Variants in TMTC1 observed in about 807,000 individuals in gnomAD.
TMTC1 encodes transmembrane O-mannosyltransferase targeting cadherins 1.
A neutral mutation model predicts 104.8 loss-of-function variants in TMTC1; 73 were observed. The observed-to-expected ratio is 0.70, with a 90% CI of 0.58 to 0.85. The LOEUF is 0.85. Among genes scored for constraint, TMTC1 ranks in the 40% least tolerant of loss-of-function variants. TMTC1 has a pLI of 0.00. For missense variants in TMTC1, 1,035 were observed against 1,096.1 expected (o/e 0.94, Z 0.79); for synonymous variants, 434 against 428.7 (o/e 1.01, Z -0.15).
intron 8 of TMTC1, among the ~76,000 whole-genome samples, chr12:29,581,472 G>A (rs2136324438): frequency 6.6e-6 from 1 of 152,230 alleles, no homozygotes; most frequent in Non-Finnish European, 1.5e-5. Context: ...GAATGGTTGT[G>A]TTTTAGAAAT....
At chr12:29,563,530 A>G (rs1432214602) in intron 9 of TMTC1, among the ~76,000 whole-genome samples, 2 of 152,144 alleles carry the variant, frequency 1.3e-5, no homozygotes, top group Non-Finnish European at 2.9e-5. Flanking sequence ...GGAACTGGGT[A>G]TTACTCCTGA....
chr12:29,683,149 C>T (rs1168784577), intron 5 of TMTC1, among the ~76,000 whole-genome samples: 3 of 152,182 alleles, frequency 2.0e-5, no homozygotes, highest in Non-Finnish European at 4.4e-5. Flanking sequence ...GATATTAAAA[C>T]ATAGATTCAA....
At position 29,734,967 on chromosome 12, in the gene TMTC1, T is replaced by C. The variant is rs374810317; in HGVS notation, c.938+16699A>G. Among the ~76,000 whole-genome samples the C allele has an allele frequency of 7.9e-5, 12 of 152,330 alleles. No individual in the cohort carries two copies. The East Asian group carries it at 1.9e-3, about 24-fold the overall frequency. ...CTCTGCTTCTCACTAGTATCTGGCT[T>C]CTGTTACAAGCGTTAGCTTCTTCTA... On this transcript the variant is annotated intron_variant, in intron 5 of 17. Transcript: ENST00000539277.
Position 29,616,760 on chromosome 12 carries a change from C to T in TMTC1, c.1129-12461G>A, listed in dbSNP as rs112018282. Among the ~76,000 whole-genome samples, 152 of 151,116 alleles carry T rather than the reference C, an allele frequency of 1.0e-3. 2 individuals are homozygous for T. The highest frequency in any genetic ancestry group is 3.6e-3 in the African/African-American group (147 of 41,272). ...TGGCCATTTTCTACACTAAAAATCA[C>T]TATACATTTAGAGAACTTTGTTAAG... On this transcript the variant is annotated intron_variant, in intron 6 of 17. Transcript: ENST00000539277.
chr12:29,589,717 A>T (rs1382099287), intron 7 of TMTC1, among the ~76,000 whole-genome samples: 1 of 152,148 alleles, frequency 6.6e-6, no homozygotes, highest in Non-Finnish European at 1.5e-5. Context: ...AACAACACAA[A>T]CATTTAGCTG....
chr12:29,551,427 T>C lies in TMTC1; in HGVS notation c.1676+5430A>G, dbSNP rs1404116719. 2.0e-5 allele frequency among the ~76,000 whole-genome samples: 3 copies of C among 152,198 alleles called. No individual in the cohort carries two copies. In the East Asian group the frequency reaches 5.8e-4, roughly 29 times the overall value. On this transcript the variant is annotated intron_variant, in intron 10 of 17. Coordinates refer to ENST00000539277, the MANE Select transcript of TMTC1 (RefSeq NM_001193451.2). ...TTCTAAAGGATCAGACTAAAGTAAA[T>C]CAAATATATCCTGTTATCAAATTCA...
At chr12:29,638,971 T>C (rs140714099) in intron 5 of TMTC1, among the ~76,000 whole-genome samples, 80 of 152,340 alleles carry the variant, frequency 5.3e-4, no homozygotes, top group African/African-American at 1.9e-3. Flanking sequence ...TACCTGGTAA[T>C]TACTGTCTTT....
chr12:29,653,380 G>T (rs907214195), intron 5 of TMTC1, among the ~76,000 whole-genome samples: 9 of 152,084 alleles, frequency 5.9e-5, no homozygotes, highest in African/African-American at 1.9e-4. Flanking sequence ...GTCACAGCAC[G>T]AGGGGACTAC....
Position 29,501,939 on chromosome 12 carries a change from C to G in TMTC1, c.*4907G>C, listed in dbSNP as rs142472873. 2.0e-5 allele frequency: 3 copies of G among 152,212 alleles called. No individual in the cohort carries two copies. In the East Asian group the frequency reaches 5.8e-4, roughly 29 times the overall value. The allele number at this position is 152,212 out of a possible 1,614,324, so 9.4% of individuals were successfully genotyped here. A position where few individuals can be genotyped will look rare whatever the true frequency, so the allele number is the denominator to read the frequency against. ...CTGTTCTCTTTAAATTACATGGCTACAAATAAAATATTGAGGGAAATAATA... is the reference window on the plus strand; with the variant it reads ...CTGTTCTCTTTAAATTACATGGCTAGAAATAAAATATTGAGGGAAATAATA... On this transcript the variant is annotated 3_prime_UTR_variant, in exon 18 of 18. Coordinates refer to ENST00000539277, the MANE Select transcript of TMTC1 (RefSeq NM_001193451.2).
intron 3 of TMTC1, among the ~76,000 whole-genome samples, chr12:29,757,270 T>A (rs2136989385): frequency 6.6e-6 from 1 of 152,322 alleles, no homozygotes; most frequent in East Asian, 1.9e-4. Context: ...GGTTTCTCAA[T>A]CATAGCCCCA....
At chr12:29,749,030 C>T (rs550719099) in intron 5 of TMTC1, among the ~76,000 whole-genome samples, 21 of 152,272 alleles carry the variant, frequency 1.4e-4, no homozygotes, top group African/African-American at 4.8e-4. Context: ...CTCACAACTC[C>T]ATGGTCAGTG....
intron 5 of TMTC1, among the ~76,000 whole-genome samples, chr12:29,655,484 C>T (rs767521760): frequency 1.3e-5 from 2 of 152,138 alleles, no homozygotes; most frequent in Non-Finnish European, 2.9e-5. Flanking sequence ...TCTAAGATGA[C>T]AACGTTGTAA....
intron 6 of TMTC1, among the ~76,000 whole-genome samples, chr12:29,606,282 C>G (rs565695657): frequency 6.6e-6 from 1 of 152,296 alleles, no homozygotes; most frequent in Admixed American, 6.5e-5. Flanking sequence ...GAAAAATCTC[C>G]AAACTTATTT....
Position 29,767,689 on chromosome 12 carries a change from TATAAAC to T in TMTC1, c.480+203_480+208del, listed in dbSNP as rs1192444305. On this transcript the variant is annotated intron_variant, in intron 2 of 17. Coordinates refer to ENST00000539277, the MANE Select transcript of TMTC1 (RefSeq NM_001193451.2). Reference sequence around the variant, plus strand: ...AAGTTGTCAACCAAAATGCTTTATATATAAACATAAACACTTTAATAGAGTGAACTC... The same window carrying T: ...AAGTTGTCAACCAAAATGCTTTATATATAAACACTTTAATAGAGTGAACTC... 1.6e-4 allele frequency among the ~76,000 whole-genome samples: 21 copies of T among 132,156 alleles called. No individual in the cohort carries two copies. In the Admixed American group the frequency reaches 1.9e-3, roughly 12 times the overall value. The allele number at this position is 132,156 out of a possible 152,430, so 86.7% of individuals were successfully genotyped here. A position where few individuals can be genotyped will look rare whatever the true frequency, so the allele number is the denominator to read the frequency against.
intron 5 of TMTC1, among the ~76,000 whole-genome samples, chr12:29,682,931 T>C (rs1005582306): frequency 2.0e-5 from 3 of 152,208 alleles, no homozygotes; most frequent in Admixed American, 6.5e-5. Context: ...TATTGTACTA[T>C]AGCTATGTAC....
chr12:29,513,571 C>T (rs1411386415), intron 16 of TMTC1, among the ~76,000 whole-genome samples: 1 of 152,018 alleles, frequency 6.6e-6, no homozygotes, highest in Admixed American at 6.6e-5. Flanking sequence ...CACTTATTTC[C>T]CAACACAATT....
intron 5 of TMTC1, among the ~76,000 whole-genome samples, chr12:29,742,497 G>A (rs1010657591): frequency 1.3e-5 from 2 of 152,062 alleles, no homozygotes; most frequent in African/African-American, 4.8e-5. Flanking sequence ...AATATAAATA[G>A]TATCAAAAAT....
intron 11 of TMTC1, among the ~76,000 whole-genome samples, chr12:29,532,020 T>C (rs1944518139): frequency 6.6e-6 from 1 of 152,160 alleles, no homozygotes; most frequent in Non-Finnish European, 1.5e-5. Flanking sequence ...GGCCACTTAA[T>C]TCTGTGTACC....
At chr12:29,675,256 A>G (rs1940680104) in intron 5 of TMTC1, among the ~76,000 whole-genome samples, 1 of 150,884 alleles carries the variant, frequency 6.6e-6, no homozygotes, top group South Asian at 2.1e-4. Context: ...TATTTTAACA[A>G]ACACAATTTT....
Sources: gnomAD v4.1 joint callset for allele counts (sites outside exome capture counted in the v4.1 genomes callset) on GRCh38, gnomAD v4.1.1 for gene constraint, MANE v1.5 for transcripts, NCBI Gene and HGNC (gene_info 2026-07-23, HGNC 2026-07-21) for gene names.